Variants in TAFA5 observed in about 807,000 individuals in gnomAD.
TAFA5 encodes the protein chemokine-like protein TAFA-5.
In TAFA5, 6 loss-of-function variants were observed where a neutral mutation model predicts 15.3. The observed-to-expected ratio is 0.39, with a 90% CI of 0.21 to 0.77. The LOEUF (loss-of-function observed/expected upper bound fraction) is 0.77. Ranked by LOEUF, TAFA5 falls within the 30% of genes least tolerant of loss-of-function variation. The probability of loss-of-function intolerance (pLI) is 0.41; values close to 1 mark genes in which losing one functional copy is unlikely to be tolerated. For synonymous variants in TAFA5, 103 were observed against 80.7 expected, an observed-to-expected ratio of 1.28 and a Z score of -1.48; for missense variants, 161 against 193.1, an observed-to-expected ratio of 0.83 and a Z score of 0.98.
At chr22:48,606,721 T>C (rs113745340) in intron 1 of TAFA5, among the ~76,000 whole-genome samples, 3,194 of 152,238 alleles carry the variant, frequency 0.021, 76 homozygotes, top group South Asian at 0.071. Context: ...GATCGCTGCT[T>C]AGGAGTGCCG....
chr22:48,748,428 G>C (rs1930390001), intron 3 of TAFA5, among the ~76,000 whole-genome samples: 1 of 152,222 alleles, frequency 6.6e-6, no homozygotes, highest in Admixed American at 6.5e-5. Context: ...CTGTGACCCA[G>C]GCCACAAGTG....
chr22:48,632,027 G>A (rs1311540098), intron 1 of TAFA5, among the ~76,000 whole-genome samples: 2 of 152,206 alleles, frequency 1.3e-5, no homozygotes, highest in East Asian at 1.9e-4. Context: ...CCTTCATCAC[G>A]TTGTCACTGA....
At chr22:48,710,607 G>A (rs991927975) in intron 3 of TAFA5, among the ~76,000 whole-genome samples, 1 of 152,230 alleles carries the variant, frequency 6.6e-6, no homozygotes, top group Admixed American at 6.5e-5. Flanking sequence ...CAGAGACAGA[G>A]AACCGAGGTG....
chr22:48,569,011 C>T (rs1259733323), intron 1 of TAFA5, among the ~76,000 whole-genome samples: 2 of 152,242 alleles, frequency 1.3e-5, no homozygotes, highest in Non-Finnish European at 2.9e-5. Context: ...CCTGAACCCA[C>T]AGCCAGCTCT....
At chr22:48,607,908 T>G (rs1271218219) in intron 1 of TAFA5, among the ~76,000 whole-genome samples, 4 of 152,176 alleles carry the variant, frequency 2.6e-5, no homozygotes, top group African/African-American at 9.7e-5. Flanking sequence ...GAGGGAGCTA[T>G]GACTTGTGGG....
At chr22:48,637,443 C>G (rs1926490797) in intron 1 of TAFA5, among the ~76,000 whole-genome samples, 1 of 152,276 alleles carries the variant, frequency 6.6e-6, no homozygotes, top group South Asian at 2.1e-4. Context: ...GCCCTTCTCA[C>G]CTTGTCTCTT....
At position 48,739,052 on chromosome 22, in the gene TAFA5, G is replaced by A. The variant is rs560329921; in HGVS notation, c.391-10787G>A. Among the ~76,000 whole-genome samples, 25 of 152,216 alleles carry A rather than the reference G, an allele frequency of 1.6e-4. 1 individual carries two copies. The East Asian group carries it at 4.8e-3, about 29-fold the overall frequency. ...CTCCCTTCTCCAAAAAGGAAAAATC[G>A]TGGTCTATCTGCAAAAGCAGCAGCT... On this transcript the variant is annotated intron_variant, in intron 3 of 3. Transcript: ENST00000402357.
At chr22:48,637,975 G>A (rs1212293364) in intron 1 of TAFA5, among the ~76,000 whole-genome samples, 3 of 152,276 alleles carry the variant, frequency 2.0e-5, no homozygotes, top group East Asian at 1.9e-4. Context: ...TGCAGAGGGA[G>A]TCTTGTCCTT....
chr22:48,698,086 GGTGATA>G (rs1324932656), intron 2 of TAFA5, among the ~76,000 whole-genome samples: 2 of 147,462 alleles, frequency 1.4e-5, no homozygotes, highest in Admixed American at 6.8e-5. Context: ...TGGTGATGGT[GGTGATA>G]ATGGTGGTGG....
intron 3 of TAFA5, among the ~76,000 whole-genome samples, chr22:48,708,816 AG>A (rs933615108): frequency 2.0e-5 from 3 of 152,152 alleles, no homozygotes; most frequent in African/African-American, 7.2e-5. Context: ...GCACAGGGAG[AG>A]GGGGCTGCAG....
intron 1 of TAFA5, among the ~76,000 whole-genome samples, chr22:48,504,577 T>C (rs1285810580): frequency 6.6e-6 from 1 of 151,624 alleles, no homozygotes; most frequent in Non-Finnish European, 1.5e-5. Context: ...AGCTTTATCA[T>C]TTGGGGGGAA....
intron 1 of TAFA5, among the ~76,000 whole-genome samples, chr22:48,643,602 G>A (rs34458007): frequency 0.16 from 24,537 of 152,236 alleles, 2,399 homozygotes; most frequent in Admixed American, 0.3. Context: ...CTGGCCGGTC[G>A]GGTAGCACCT....
At chr22:48,536,791 C>T (rs752094260) in intron 1 of TAFA5, among the ~76,000 whole-genome samples, 3 of 152,230 alleles carry the variant, frequency 2.0e-5, no homozygotes, top group Admixed American at 6.5e-5. Context: ...GCTTTCTGTG[C>T]TCCAGGAGGG....
chr22:48,513,640 C>T (rs1409780233), intron 1 of TAFA5, among the ~76,000 whole-genome samples: 2 of 152,222 alleles, frequency 1.3e-5, no homozygotes, highest in African/African-American at 4.8e-5. Flanking sequence ...CAGGCCTGTG[C>T]GGCCCCAGAG....
At chr22:48,657,432 T>C (rs1927289476) in intron 2 of TAFA5, among the ~76,000 whole-genome samples, 1 of 152,190 alleles carries the variant, frequency 6.6e-6, no homozygotes, top group Non-Finnish European at 1.5e-5. Flanking sequence ...GCTTCACTGG[T>C]GAATTGGTCC....
At chr22:48,684,807 G>C (rs982400271) in intron 2 of TAFA5, among the ~76,000 whole-genome samples, 1 of 152,138 alleles carries the variant, frequency 6.6e-6, no homozygotes, top group South Asian at 2.1e-4. Flanking sequence ...CCCAGGGCCC[G>C]ACCTGCTCAC....
At chr22:48,724,831 G>T (rs547018966) in intron 3 of TAFA5, among the ~76,000 whole-genome samples, 1 of 152,356 alleles carries the variant, frequency 6.6e-6, no homozygotes, top group East Asian at 1.9e-4. Context: ...CACCCAGGGG[G>T]CATCCCCTGC....
At chr22:48,519,392 T>C (rs947896339) in intron 1 of TAFA5, among the ~76,000 whole-genome samples, 1 of 152,368 alleles carries the variant, frequency 6.6e-6, no homozygotes, top group Admixed American at 6.5e-5. Flanking sequence ...GCCACGCTTC[T>C]CAGACTCAGA....
chr22:48,570,850 A>G (rs1397383483), intron 1 of TAFA5, among the ~76,000 whole-genome samples: 2 of 152,252 alleles, frequency 1.3e-5, no homozygotes, highest in South Asian at 4.1e-4. Context: ...GACTAGAACT[A>G]TGGAGAAAGA....
Sources: allele counts gnomAD v4.1 joint callset (sites outside exome capture counted in the v4.1 genomes callset), GRCh38; gene constraint gnomAD v4.1.1; transcripts MANE v1.5; gene names NCBI Gene and HGNC (gene_info 2026-07-23, HGNC 2026-07-21).